GON4L: variants seen among roughly 807,000 people sequenced by gnomAD.
GON4L encodes the protein GON-4-like protein.
Under a neutral mutation model 211.8 loss-of-function variants are expected in GON4L, and 87 were observed. That is an observed-to-expected ratio of 0.41 (90% confidence interval 0.35 to 0.49). The LOEUF is 0.49. Among genes scored for constraint, GON4L ranks in the 20% least tolerant of loss-of-function variants. GON4L has a pLI of 0.15. For synonymous variants in GON4L, 875 were observed against 962.6 expected (o/e 0.91, Z 1.68); for missense variants, 2,155 against 2,659.5 (o/e 0.81, Z 4.17).
At chr1:155,787,283 A>C (rs1003784566) in intron 12 of GON4L, among the ~76,000 whole-genome samples, 2 of 152,126 alleles carry the variant, frequency 1.3e-5, no homozygotes, top group Non-Finnish European at 1.5e-5. Context: ...CAAGACCTGA[A>C]AGTTTTGGTT....
intron 21 of GON4L, chr1:155,764,520 A>G (rs1571653151): frequency 1.0e-5 from 3 of 300,938 alleles, no homozygotes; most frequent in South Asian, 9.2e-5. Context: ...GCTCACTGCA[A>G]CCTCTGTCTC....
At chr1:155,788,890 A>T (rs1665222448) in intron 12 of GON4L, among the ~76,000 whole-genome samples, 1 of 152,156 alleles carries the variant, frequency 6.6e-6, no homozygotes, top group Admixed American at 6.6e-5. Context: ...GGAGATCGAG[A>T]TCGCCCTGGC....
chr1:155,820,536 C>T (rs969833738), intron 6 of GON4L, 70 bp downstream of exon 6: 3 of 997,334 alleles, frequency 3.0e-6, no homozygotes, highest in Admixed American at 3.4e-5. Context: ...CTATATTTTT[C>T]CCTATGGGTG....
chr1:155,825,282 C>T (rs1461945302), intron 3 of GON4L, among the ~76,000 whole-genome samples: 8 of 152,084 alleles, frequency 5.3e-5, no homozygotes, highest in African/African-American at 1.4e-4. Context: ...TTTCATAAAA[C>T]AATGTTGAGG....
rs1663937705 is a variant in GON4L at position 155,777,496 on chromosome 1, T to A, written c.2091+126A>T. 10 of 782,394 alleles carry A rather than the reference T, an allele frequency of 1.3e-5. No homozygotes were observed. In the Admixed American group the frequency reaches 1.8e-4, roughly 14 times the overall value. 48.5% of individuals were successfully genotyped at this position (782,394 alleles called of 1,614,324 possible). A position where few individuals can be genotyped will look rare whatever the true frequency, so the allele number is the denominator to read the frequency against. On this transcript the variant is annotated intron_variant, in intron 15 of 31. Coordinates refer to ENST00000368331, the MANE Select transcript of GON4L (RefSeq NM_001282860.2). Reference sequence around the variant, plus strand: ...TGGGAGGCTGAGGCAGGAGAAATGCTTGAGCCCAGAAAGCAGAGGTTGAAG... The same window carrying A: ...TGGGAGGCTGAGGCAGGAGAAATGCATGAGCCCAGAAAGCAGAGGTTGAAG...
intron 9 of GON4L, 42 bp downstream of exon 9, chr1:155,814,286 TAG>T: frequency 6.4e-7 from 1 of 1,560,512 alleles, no homozygotes; most frequent in South Asian, 1.1e-5. Flanking sequence ...AAAATCTACT[TAG>T]ACAGTTATGT....
intron 28 of GON4L, among the ~76,000 whole-genome samples, chr1:155,753,686 A>G (rs143651308): frequency 2.4e-3 from 368 of 152,236 alleles, no homozygotes; most frequent in South Asian, 0.014. Context: ...ATGACAAACA[A>G]AAAGAAAAGA....
At chr1:155,768,848 G>C (rs546652466) in intron 19 of GON4L, among the ~76,000 whole-genome samples, 1 of 152,300 alleles carries the variant, frequency 6.6e-6, no homozygotes, top group Admixed American at 6.5e-5. Flanking sequence ...ATATGGCTTA[G>C]AATTTGTCTA....
chr1:155,853,608 C>T lies in GON4L; in HGVS notation c.173G>A (p.Gly58Asp). The change falls in exon 2 of 32, where the codon GGC becomes GAC. Residue 58 changes from glycine (G) to aspartate (D), a missense_variant. Coordinates refer to ENST00000368331, the MANE Select transcript of GON4L (RefSeq NM_001282860.2). ...ATCCTGCAAAGACTGTACTTCGAAG[C>T]CAGCTACTCTGCCATGACTTGGATC... ...SWDPSHGRVA[G>D]FEVQSLQDAG... The T allele has an allele frequency of 6.2e-7, 1 of 1,614,102 alleles. No homozygotes were observed. Among genetic ancestry groups the T allele is most frequent in the Non-Finnish European group, 8.5e-7 (1 of 1,179,940 alleles).
intron 3 of GON4L, among the ~76,000 whole-genome samples, chr1:155,824,779 A>G (rs1669040779): frequency 1.4e-5 from 2 of 143,880 alleles, no homozygotes; most frequent in South Asian, 4.3e-4. Context: ...AAAAAAAAAA[A>G]AGAAGAAGAA....
Position 155,838,857 on chromosome 1 carries a change from A to G in GON4L, c.506-11829T>C, listed in dbSNP as rs534023067. On this transcript the variant is annotated intron_variant, in intron 2 of 31. Transcript: ENST00000368331. ...AAATGCTTATAAGTGAACTTTTTGTATAATTTAAAATCTTAAAATCGTTTT... is the reference window on the plus strand; with the variant it reads ...AAATGCTTATAAGTGAACTTTTTGTGTAATTTAAAATCTTAAAATCGTTTT... 1.2e-4 allele frequency among the ~76,000 whole-genome samples: 18 copies of G among 151,668 alleles called. No homozygotes were observed. In the South Asian group the frequency reaches 3.1e-3, roughly 26 times the overall value.
At chr1:155,801,822 G>T (rs1571794733) in intron 11 of GON4L, among the ~76,000 whole-genome samples, 1 of 152,010 alleles carries the variant, frequency 6.6e-6, no homozygotes, top group Non-Finnish European at 1.5e-5. Flanking sequence ...GGCAGAGGTT[G>T]CAGTGAGCCG....
chr1:155,834,113 T>C (rs927575979), intron 2 of GON4L, among the ~76,000 whole-genome samples: 3 of 152,126 alleles, frequency 2.0e-5, no homozygotes, highest in Non-Finnish European at 4.4e-5. Context: ...TGTGAGCCAC[T>C]GTTCCCAGCC....
Position 155,763,494 on chromosome 1 carries a change from T to C in GON4L, c.4544A>G (p.Glu1515Gly), listed in dbSNP as rs773122827. Residue 1515 changes from glutamate (E) to glycine (G), a missense_variant, in exon 22 of 32, where the codon GAG (glutamate) becomes GGG (glycine). Coordinates refer to ENST00000368331, the MANE Select transcript of GON4L (RefSeq NM_001282860.2). Reference protein sequence around the residue: ...RMSQEGESEEENSQEENSEPE... With the variant: ...RMSQEGESEEGNSQEENSEPE... ...CTCAGAGTTCTCCTCCTGAGAATTCTCTTCTTCAGACTCACCCTCCTGACT... is the reference window on the plus strand; with the variant it reads ...CTCAGAGTTCTCCTCCTGAGAATTCCCTTCTTCAGACTCACCCTCCTGACT... The C allele has an allele frequency of 3.3e-5, 51 of 1,551,408 alleles. No homozygotes were observed. The highest frequency in any genetic ancestry group is 3.0e-4 in the South Asian group (25 of 84,078).
intron 12 of GON4L, among the ~76,000 whole-genome samples, chr1:155,789,395 GCA>G (rs1452834390): frequency 2.0e-5 from 3 of 152,016 alleles, no homozygotes; most frequent in Non-Finnish European, 4.4e-5. Flanking sequence ...ACTTTGGGAG[GCA>G]GAGGTGGGAG....
intron 18 of GON4L, among the ~76,000 whole-genome samples, chr1:155,771,575 C>G (rs1005353938): frequency 4.6e-5 from 7 of 152,104 alleles, no homozygotes; most frequent in Admixed American, 3.9e-4. Context: ...TGGGCTCAAG[C>G]GATTCCCGTA....
At chr1:155,748,608 G>A (rs1660348449), downstream of GON4L, 1 of 1,613,234 alleles carries the variant, frequency 6.2e-7, no homozygotes, top group Non-Finnish European at 8.5e-7. Flanking sequence ...TCTTTAAGTG[G>A]TGACAGCAGG....
chr1:155,810,738 G>A lies in GON4L; in HGVS notation c.1452+2896C>T, dbSNP rs1450465188. Reference sequence around the variant, plus strand: ...AAAAAAAAAAAATTTACTGGCTAAGGCCAGGCGCAGTGGCTCATGCCTATA... The same window carrying A: ...AAAAAAAAAAAATTTACTGGCTAAGACCAGGCGCAGTGGCTCATGCCTATA... On this transcript the variant is annotated intron_variant, in intron 10 of 31. Coordinates refer to ENST00000368331, the MANE Select transcript of GON4L (RefSeq NM_001282860.2). Among the ~76,000 whole-genome samples, 4 of 151,610 alleles carry A rather than the reference G, an allele frequency of 2.6e-5. No individual in the cohort carries two copies. In the South Asian group the frequency reaches 8.3e-4, roughly 32 times the overall value.
intron 2 of GON4L, among the ~76,000 whole-genome samples, chr1:155,848,589 C>T (rs1484867862): frequency 6.6e-6 from 1 of 152,190 alleles, no homozygotes. Context: ...TCTTCCCTCA[C>T]AATCTATCAA....
Sources: allele counts gnomAD v4.1 joint callset (sites outside exome capture counted in the v4.1 genomes callset), GRCh38; gene constraint gnomAD v4.1.1; transcripts MANE v1.5; gene names NCBI Gene and HGNC (gene_info 2026-07-23, HGNC 2026-07-21).